The following ARHGAP10 variants were observed in gnomAD, a reference collection of about 807,000 sequenced individuals.
ARHGAP10 encodes rho GTPase-activating protein 10.
Under a neutral mutation model 108.6 loss-of-function variants are expected in ARHGAP10, and 87 were observed. That is an observed-to-expected ratio of 0.80 (90% CI 0.67 to 0.96). The LOEUF is 0.96. Among genes scored for constraint, ARHGAP10 ranks in the 40% least tolerant of loss-of-function variants. ARHGAP10 has a pLI of 0.00. For synonymous variants in ARHGAP10, 347 were observed against 341.1 expected (o/e 1.02, Z -0.19); for missense variants, 939 against 954.5 (o/e 0.98, Z 0.21).
chr4:147,964,102 T>C (rs1304234926), intron 16 of ARHGAP10, among the ~76,000 whole-genome samples: 2 of 152,184 alleles, frequency 1.3e-5, no homozygotes, highest in East Asian at 3.9e-4. Context: ...GGCCCATTCC[T>C]GGAGATATTA....
In ARHGAP10 at chr4:147,946,512, G is replaced by A. The variant is rs137963850; in HGVS notation, c.1304-105G>A. ...TATAATGTTTTCCTAGGAAACTGCA[G>A]GATTGTGGTTTGCCCATTTAAAAAT... On this transcript the variant is annotated intron_variant, in intron 14 of 22. Coordinates refer to ENST00000336498, the MANE Select transcript of ARHGAP10 (RefSeq NM_024605.4). The A allele has an allele frequency of 1.1e-3, 835 of 794,526 alleles. 9 individuals are homozygous for A. The African/African-American group carries it at 0.013, about 12-fold the overall frequency. 49.2% of individuals were successfully genotyped at this position (794,526 alleles called of 1,614,324 possible). A position where few individuals can be genotyped will look rare whatever the true frequency, so the allele number is the denominator to read the frequency against.
In ARHGAP10 at chr4:148,041,055, C is replaced by G. The variant is rs548334326; in HGVS notation, c.1868-5837C>G. Reference sequence around the variant, plus strand: ...TATACCAAAGTAGGTTTCAGCGTCCCCCAGCTAGCCAAATGCATGACTGTG... The same window carrying G: ...TATACCAAAGTAGGTTTCAGCGTCCGCCAGCTAGCCAAATGCATGACTGTG... On this transcript the variant is annotated intron_variant, in intron 19 of 22. Transcript: ENST00000336498. Among the ~76,000 whole-genome samples the G allele has an allele frequency of 2.6e-5, 4 of 152,240 alleles. No individual in the cohort carries two copies. In the South Asian group the frequency reaches 8.3e-4, roughly 32 times the overall value.
intron 1 of ARHGAP10, among the ~76,000 whole-genome samples, chr4:147,757,449 G>C (rs1729425180): frequency 6.6e-6 from 1 of 152,120 alleles, no homozygotes; most frequent in South Asian, 2.1e-4. Context: ...GCCCGCCTCG[G>C]CCTTCCAAAG....
intron 19 of ARHGAP10, among the ~76,000 whole-genome samples, chr4:148,035,370 G>C (rs927198189): frequency 7.2e-5 from 11 of 152,086 alleles, no homozygotes; most frequent in Admixed American, 7.2e-4. Flanking sequence ...TTTAGTTTTG[G>C]GGGGAATGCA....
In ARHGAP10 at chr4:147,999,601, C is replaced by T. The variant is rs548945235; in HGVS notation, c.1717-23662C>T. 2.0e-5 allele frequency among the ~76,000 whole-genome samples: 3 copies of T among 152,322 alleles called. No homozygotes were observed. The South Asian group carries it at 6.2e-4, about 32-fold the overall frequency. ...TGCACAGCTAAGTGCCCATGTTCGT[C>T]GTAATGGAGCTGAACACTAGTCACT... is the stretch of plus-strand genomic sequence containing the variant. On this transcript the variant is annotated intron_variant, in intron 18 of 22. Transcript: ENST00000336498.
chr4:148,017,682 A>ATATATATATATATGTG (rs1437383455), intron 18 of ARHGAP10, among the ~76,000 whole-genome samples: 7 of 135,258 alleles, frequency 5.2e-5, no homozygotes, highest in Admixed American at 3.6e-4. Context: ...ATATATATAT[A>ATATATATATATATGTG]TGTGTGTGTA....
At chr4:147,795,202 C>T (rs1171676520) in intron 1 of ARHGAP10, among the ~76,000 whole-genome samples, 2 of 152,148 alleles carry the variant, frequency 1.3e-5, no homozygotes, top group African/African-American at 4.8e-5. Context: ...CTTGCTTTGG[C>T]CTCCTGCAGC....
chr4:147,825,654 A>G (rs939835162), intron 3 of ARHGAP10, among the ~76,000 whole-genome samples: 1 of 152,308 alleles, frequency 6.6e-6, no homozygotes, highest in African/African-American at 2.4e-5. Context: ...TTTTTCAGCT[A>G]TTTAGGAAAG....
chr4:147,921,065 C>T (rs1306960340), intron 13 of ARHGAP10, among the ~76,000 whole-genome samples: 1 of 152,148 alleles, frequency 6.6e-6, no homozygotes, highest in African/African-American at 2.4e-5. Flanking sequence ...ATGGGATGCC[C>T]CAGGGTTCTG....
chr4:147,957,692 C>G (rs924682418), intron 16 of ARHGAP10, among the ~76,000 whole-genome samples: 2 of 152,052 alleles, frequency 1.3e-5, no homozygotes, highest in Non-Finnish European at 2.9e-5. Flanking sequence ...TCTCTTCTAC[C>G]CTCCCTGCTG....
chr4:148,064,708 G>A (rs1729787490), intron 22 of ARHGAP10, among the ~76,000 whole-genome samples: 1 of 152,162 alleles, frequency 6.6e-6, no homozygotes, highest in Non-Finnish European at 1.5e-5. Flanking sequence ...ATGCCACTAT[G>A]CTTGCTTCTT....
chr4:147,905,477 T>G (rs1005017053), intron 10 of ARHGAP10, among the ~76,000 whole-genome samples: 6 of 125,440 alleles, frequency 4.8e-5, no homozygotes, highest in East Asian at 2.1e-4. Flanking sequence ...CAGCACCATT[T>G]ATTAAATAGG....
At chr4:147,921,734 C>G (rs1560827612) in intron 13 of ARHGAP10, among the ~76,000 whole-genome samples, 1 of 152,138 alleles carries the variant, frequency 6.6e-6, no homozygotes, top group Admixed American at 6.5e-5. Flanking sequence ...ATGGCAGCTC[C>G]TGTTCACTCA....
In ARHGAP10 at chr4:147,906,657, A is replaced by C. The variant is rs563860915; in HGVS notation, c.1054A>C (p.Met352Leu). The change falls in exon 11 of 23, where the codon ATG becomes CTG. Residue 352 changes from methionine (M) to leucine (L), a missense_variant. Physicochemically the swap from Met to Leu is conservative, Grantham distance 15. Coordinates refer to ENST00000336498, the MANE Select transcript of ARHGAP10 (RefSeq NM_024605.4). ...AADRPGVSLT[M>L]QAFSEEERKQ... ...TTTCAGGCCTGGCGTTTCCTTGACC[A>C]TGCAGGCATTTTCCGAAGAGGAAAG... 2 of 1,614,190 alleles carry C rather than the reference A, an allele frequency of 1.2e-6. No homozygotes were observed. The highest frequency in any genetic ancestry group is 2.2e-5 in the South Asian group (2 of 91,078).
chr4:147,773,047 G>A (rs1230679985), intron 1 of ARHGAP10, among the ~76,000 whole-genome samples: 1 of 152,182 alleles, frequency 6.6e-6, no homozygotes, highest in Non-Finnish European at 1.5e-5. Context: ...TTTATGTACA[G>A]AGTATTTGGG....
chr4:147,778,190 G>T (rs546813282), intron 1 of ARHGAP10, among the ~76,000 whole-genome samples: 15 of 152,272 alleles, frequency 9.9e-5, no homozygotes, highest in African/African-American at 3.6e-4. Flanking sequence ...TGCTCAGACA[G>T]GATTTTTGCA....
chr4:147,885,305 G>T (rs1304317084), intron 10 of ARHGAP10, among the ~76,000 whole-genome samples: 6 of 152,194 alleles, frequency 3.9e-5, no homozygotes, highest in Non-Finnish European at 5.9e-5. Flanking sequence ...TCATAATCAT[G>T]GCAGAAGGTG....
At chr4:148,001,413 A>G (rs569326103) in intron 18 of ARHGAP10, among the ~76,000 whole-genome samples, 2 of 152,262 alleles carry the variant, frequency 1.3e-5, no homozygotes, top group South Asian at 2.1e-4. Flanking sequence ...TTTTGGTTCC[A>G]TATGAACTTC....
intron 18 of ARHGAP10, among the ~76,000 whole-genome samples, chr4:147,979,971 A>G (rs1016173881): frequency 6.6e-6 from 1 of 152,204 alleles, no homozygotes; most frequent in South Asian, 2.1e-4. Flanking sequence ...GTAGAGAATC[A>G]TATTGTCAGT....
Sources: gnomAD v4.1 joint callset for allele counts (sites outside exome capture counted in the v4.1 genomes callset) on GRCh38, gnomAD v4.1.1 for gene constraint, MANE v1.5 for transcripts, NCBI Gene and HGNC (gene_info 2026-07-23, HGNC 2026-07-21) for gene names.